The following PTPRE variants were observed in gnomAD, a reference collection of about 807,000 sequenced individuals.
PTPRE encodes the protein receptor-type tyrosine-protein phosphatase epsilon.
In PTPRE, 51 loss-of-function variants were observed where a neutral mutation model predicts 102.0. The ratio of observed to expected loss-of-function variants is 0.50; its 90% CI spans 0.40 to 0.63. The LOEUF (loss-of-function observed/expected upper bound fraction) is 0.63. Ranked by LOEUF, PTPRE falls within the 30% of genes least tolerant of loss-of-function variation. The probability of loss-of-function intolerance (pLI) is 0.00; values close to 1 mark genes in which losing one functional copy is unlikely to be tolerated. For missense variants in PTPRE, 752 were observed against 915.1 expected, an observed-to-expected ratio of 0.82 and a Z score of 2.30; for synonymous variants, 345 against 348.2, an observed-to-expected ratio of 0.99 and a Z score of 0.10.
chr10:127,979,907 A>T (rs192069714), intron 1 of PTPRE, among the ~76,000 whole-genome samples: 9 of 152,212 alleles, frequency 5.9e-5, no homozygotes, highest in African/African-American at 2.2e-4. Context: ...TCAGCATTGC[A>T]TTGGAAGATT....
rs530415591 is a variant in PTPRE at position 128,057,045 on chromosome 10, G to A, written c.511+832G>A. 4.1e-4 allele frequency among the ~76,000 whole-genome samples: 62 copies of A among 152,094 alleles called. No homozygotes were observed. In the South Asian group the frequency reaches 0.012, roughly 29 times the overall value. ...AGCCTGGCCAAGATGGTGAAACCCC[G>A]TCTCTACTAAAAATACAAAATATTA... On this transcript the variant is annotated intron_variant, in intron 7 of 20. Transcript: ENST00000254667.
intron 1 of PTPRE, among the ~76,000 whole-genome samples, chr10:127,936,452 G>A (rs1444016076): frequency 6.6e-6 from 1 of 152,220 alleles, no homozygotes; most frequent in Non-Finnish European, 1.5e-5. Context: ...TATTTTCTAT[G>A]TCTGGGCTTG....
At chr10:128,052,401 G>A (rs72848749) in intron 6 of PTPRE, among the ~76,000 whole-genome samples, 24,115 of 152,170 alleles carry the variant, frequency 0.16, 2,462 homozygotes, top group South Asian at 0.23. Context: ...AGTGAATGCT[G>A]GAGTCGGCCT....
At chr10:127,965,288 T>A (rs55861344) in intron 1 of PTPRE, among the ~76,000 whole-genome samples, 7,643 of 152,262 alleles carry the variant, frequency 0.05, 247 homozygotes, top group Middle Eastern at 0.078. Context: ...CAGTTAGGAA[T>A]TCCCATGGTA....
intron 10 of PTPRE, among the ~76,000 whole-genome samples, chr10:128,065,106 A>AGCCCCG (rs1849955712): frequency 6.6e-5 from 10 of 152,304 alleles, no homozygotes; most frequent in African/African-American, 1.7e-4. Context: ...CCTGTGACCC[A>AGCCCCG]CAGCCCCGCA....
intron 2 of PTPRE, among the ~76,000 whole-genome samples, chr10:127,994,191 G>A (rs1287190176): frequency 2.0e-5 from 3 of 152,212 alleles, no homozygotes; most frequent in African/African-American, 7.2e-5. Context: ...CCCTGAGTAC[G>A]AGAAGTGAGG....
intron 11 of PTPRE, among the ~76,000 whole-genome samples, chr10:128,067,833 T>G (rs1850405184): frequency 6.6e-6 from 1 of 152,196 alleles, no homozygotes; most frequent in Non-Finnish European, 1.5e-5. Flanking sequence ...CACGGGGGTC[T>G]GTGAGCACAC....
At chr10:127,917,892 C>T (rs1314255822) in intron 1 of PTPRE, among the ~76,000 whole-genome samples, 1 of 151,976 alleles carries the variant, frequency 6.6e-6, no homozygotes, top group East Asian at 2.0e-4. Flanking sequence ...TAGCTGAGCA[C>T]GCTGGCACGC....
intron 1 of PTPRE, among the ~76,000 whole-genome samples, chr10:127,925,880 G>C (rs1846970888): frequency 1.3e-5 from 2 of 152,094 alleles, no homozygotes; most frequent in South Asian, 4.1e-4. Flanking sequence ...AGCCCACAAA[G>C]GACAAAAGGT....
intron 1 of PTPRE, among the ~76,000 whole-genome samples, chr10:127,932,267 C>T (rs1847502037): frequency 6.6e-6 from 1 of 152,150 alleles, no homozygotes; most frequent in African/African-American, 2.4e-5. Flanking sequence ...AGAACTCTGC[C>T]ATGTGTTAAT....
At chr10:127,922,597 C>T (rs1032718531) in intron 1 of PTPRE, among the ~76,000 whole-genome samples, 1 of 152,228 alleles carries the variant, frequency 6.6e-6, no homozygotes, top group Non-Finnish European at 1.5e-5. Context: ...AGTGGTTGCC[C>T]AGCTCTCTGC....
chr10:128,075,821 A>G (rs1851170232), intron 17 of PTPRE, among the ~76,000 whole-genome samples: 1 of 152,100 alleles, frequency 6.6e-6, no homozygotes, highest in South Asian at 2.1e-4. Flanking sequence ...ATCACTTCAT[A>G]TATTTGTGGA....
chr10:127,961,128 G>T (rs1392130937), intron 1 of PTPRE, among the ~76,000 whole-genome samples: 2 of 152,168 alleles, frequency 1.3e-5, no homozygotes, highest in Admixed American at 1.3e-4. Context: ...CAGAGCCGGG[G>T]CTTTGCGAGG....
At chr10:127,998,548 A>G (rs969904652) in intron 2 of PTPRE, 6 of 152,244 alleles carry the variant, frequency 3.9e-5, no homozygotes, top group African/African-American at 1.4e-4. Context: ...TGGCACATAG[A>G]AAGTGCTCTG....
intron 1 of PTPRE, among the ~76,000 whole-genome samples, chr10:127,930,707 G>A (rs1055456066): frequency 4.6e-5 from 7 of 152,040 alleles, no homozygotes; most frequent in African/African-American, 1.2e-4. Context: ...TTCTGTCATG[G>A]GTTCACCATT....
At chr10:127,971,184 G>C (rs188499219) in intron 1 of PTPRE, among the ~76,000 whole-genome samples, 1 of 152,142 alleles carries the variant, frequency 6.6e-6, no homozygotes, top group African/African-American at 2.4e-5. Context: ...GTGTCCATAC[G>C]AGGCTAATGT....
intron 6 of PTPRE, among the ~76,000 whole-genome samples, chr10:128,050,109 G>A (rs182691845): frequency 2.8e-5 from 4 of 141,040 alleles, no homozygotes; most frequent in East Asian, 2.3e-4. Context: ...CCACCATCTC[G>A]GCATTAATGA....
intron 3 of PTPRE, 130 bp from the exon 4 acceptor site, chr10:128,047,260 G>A: frequency 7.4e-7 from 1 of 1,343,408 alleles, no homozygotes; most frequent in Non-Finnish European, 9.9e-7. Context: ...GGCCTTTTCA[G>A]GATGATGGAT....
At position 128,056,218 on chromosome 10, in the gene PTPRE, G is replaced by C; in HGVS notation, c.511+5G>C. On this transcript the variant is annotated splice_donor_5th_base_variant and intron_variant, in intron 7 of 20. Transcript: ENST00000254667. ...GATATCCCAACATCCTTCCCAGTAA[G>C]ATTTTATTTTATGTTTTGCATGATC... 1 of 1,593,622 alleles carries C rather than the reference G, an allele frequency of 6.3e-7. No individual in the cohort carries two copies. Among genetic ancestry groups the C allele is most frequent in the South Asian group, 1.1e-5 (1 of 90,634 alleles).
Sources: gnomAD v4.1 joint callset for allele counts (sites outside exome capture counted in the v4.1 genomes callset) on GRCh38, gnomAD v4.1.1 for gene constraint, MANE v1.5 for transcripts, NCBI Gene and HGNC (gene_info 2026-07-23, HGNC 2026-07-21) for gene names.